The following ZFAT variants were observed in gnomAD, a reference collection of about 807,000 sequenced individuals.
The protein encoded by ZFAT is zinc finger protein ZFAT.
In ZFAT, 64 loss-of-function variants were observed where a neutral mutation model predicts 117.7. The ratio of observed to expected loss-of-function variants is 0.54; its 90% CI spans 0.44 to 0.67. The LOEUF (loss-of-function observed/expected upper bound fraction) is 0.67, where lower values mean the gene tolerates loss of function less well. ZFAT is among the 30% of genes least tolerant of loss of function. The pLI, the probability that ZFAT is intolerant of heterozygous loss-of-function variation, is 0.00. For synonymous variants in ZFAT, 679 were observed against 615.0 expected, an observed-to-expected ratio of 1.10 and a Z score of -1.54; for missense variants, 1,433 against 1,584.5, an observed-to-expected ratio of 0.90 and a Z score of 1.62.
chr8:134,484,984 G>A (rs1817568417), intron 15 of ZFAT, among the ~76,000 whole-genome samples: 2 of 152,038 alleles, frequency 1.3e-5, no homozygotes, highest in South Asian at 2.1e-4. Context: ...TGATGATGAT[G>A]GAGACATCAT....
intron 12 of ZFAT, among the ~76,000 whole-genome samples, chr8:134,531,805 G>A (rs1251407229): frequency 6.6e-6 from 1 of 152,248 alleles, no homozygotes; most frequent in Non-Finnish European, 1.5e-5. Flanking sequence ...CACTGAAAGT[G>A]CTGAAGGGTA....
At chr8:134,654,189 G>A (rs879638393) in intron 2 of ZFAT, among the ~76,000 whole-genome samples, 4 of 152,114 alleles carry the variant, frequency 2.6e-5, no homozygotes, top group Admixed American at 2.0e-4. Flanking sequence ...CAGCTACTTG[G>A]GAGGCTGAGG....
the ZFAT span, among the ~76,000 whole-genome samples, chr8:134,818,503 T>A: frequency 6.6e-6 from 1 of 152,228 alleles, no homozygotes. Flanking sequence ...AAAATGGTAC[T>A]GCCACTTTGG....
chr8:134,683,851 G>T lies in ZFAT; in HGVS notation c.20-26114C>A, dbSNP rs548508564. The stretch of plus-strand genomic sequence containing the variant: ...TGCCTCCCAGGTCTAGTCAATGGAG[G>T]CCCAAATATTGAATTTGTAGTTGGA... On this transcript the variant is annotated intron_variant, in intron 1 of 15. Transcript: ENST00000377838. 2.0e-3 allele frequency among the ~76,000 whole-genome samples: 306 copies of T among 152,202 alleles called. 1 individual carries two copies. Among genetic ancestry groups the T allele is most frequent in the African/African-American group, 7.1e-3 (294 of 41,524 alleles).
At chr8:134,553,588 G>T (rs1823348022) in intron 11 of ZFAT, among the ~76,000 whole-genome samples, 1 of 152,170 alleles carries the variant, frequency 6.6e-6, no homozygotes, top group Non-Finnish European at 1.5e-5. Flanking sequence ...TGAACAAACA[G>T]AACATGCCAC....
chr8:134,544,950 T>C (rs1822578699), intron 11 of ZFAT, among the ~76,000 whole-genome samples: 1 of 152,152 alleles, frequency 6.6e-6, no homozygotes, highest in African/African-American at 2.4e-5. Context: ...TCTGTGGGTG[T>C]ATGTATCTTG....
chr8:134,733,374 C>A, the ZFAT span, among the ~76,000 whole-genome samples: 1 of 152,150 alleles, frequency 6.6e-6, no homozygotes, highest in Non-Finnish European at 1.5e-5. Context: ...GTTTGAGACT[C>A]CCTGGGGTAA....
chr8:134,789,150 T>C, the ZFAT span, among the ~76,000 whole-genome samples: 4 of 152,214 alleles, frequency 2.6e-5, no homozygotes, highest in African/African-American at 7.2e-5. Flanking sequence ...ATTAAATTGT[T>C]AGGTATACAT....
At chr8:134,714,575 G>A (rs1273983618), upstream of ZFAT, among the ~76,000 whole-genome samples, 1 of 152,098 alleles carries the variant, frequency 6.6e-6, no homozygotes, top group Non-Finnish European at 1.5e-5. Context: ...TGGGAAATAC[G>A]GAACCATGAA....
chr8:134,588,441 G>A, intron 8 of ZFAT, 46 bp from the exon 9 acceptor site: 2 of 1,522,946 alleles, frequency 1.3e-6, no homozygotes, highest in Non-Finnish European at 1.8e-6. Context: ...CACCTCAGGG[G>A]AAGTTAGACA....
Position 134,525,486 on chromosome 8 carries a change from C to T in ZFAT, c.3116-4485G>A, listed in dbSNP as rs377431333. Among the ~76,000 whole-genome samples the T allele has an allele frequency of 2.6e-5, 4 of 152,196 alleles. No individual in the cohort carries two copies. In the East Asian group the frequency reaches 7.7e-4, roughly 29 times the overall value. ...TGTCCTGATATCAAGGTTGTCTGGA[C>T]AAATTATACCAGATAAACCTCACGG... On this transcript the variant is annotated intron_variant, in intron 12 of 15. Coordinates refer to ENST00000377838, the MANE Select transcript of ZFAT (RefSeq NM_020863.4).
chr8:134,712,743 G>GCCGGC (rs1814065606), intron 1 of ZFAT, 102 bp downstream of exon 1: 1 of 1,192,146 alleles, frequency 8.4e-7, no homozygotes, highest in African/African-American at 1.7e-5. Context: ...GCGGCCGGCG[G>GCCGGC]CCGGCGCACT....
rs11778717 is a variant in ZFAT, at chr8:134,509,727, G to A, written c.3384C>T (p.Ala1128=). 274,001 of 1,609,288 alleles carry A rather than the reference G, an allele frequency of 0.17. 25,061 individuals carry two copies. The highest frequency in any genetic ancestry group is 0.19 in the Non-Finnish European group (219,132 of 1,178,484). The change falls in exon 15 of 16, where the codon GCC becomes GCT. Residue 1128 remains alanine (A), a synonymous_variant. Coordinates refer to ENST00000377838, the MANE Select transcript of ZFAT (RefSeq NM_020863.4). The stretch of plus-strand genomic sequence containing the variant: ...CAATGATCTGCTGCAGGATGTTCAC[G>A]GCCGTGGGGTCCAGTCGGTCGCCTT... ...SESGDRLDPT[A]VNILQQIIEL...
chr8:134,566,653 G>A (rs1824491744), intron 10 of ZFAT, among the ~76,000 whole-genome samples: 1 of 152,198 alleles, frequency 6.6e-6, no homozygotes, highest in African/African-American at 2.4e-5. Flanking sequence ...CACTGTGGCT[G>A]AGTTCCCAGA....
At chr8:134,644,540 A>C (rs1181498877) in intron 2 of ZFAT, among the ~76,000 whole-genome samples, 2 of 152,068 alleles carry the variant, frequency 1.3e-5, no homozygotes, top group African/African-American at 2.4e-5. Flanking sequence ...CTATACAACC[A>C]CACACACATG....
intron 1 of ZFAT, among the ~76,000 whole-genome samples, chr8:134,693,358 T>C (rs1016541670): frequency 1.3e-5 from 2 of 152,148 alleles, no homozygotes; most frequent in Admixed American, 6.5e-5. Flanking sequence ...TATGGGGCAA[T>C]CTGAGCACCA....
the ZFAT span, among the ~76,000 whole-genome samples, chr8:134,787,805 A>T: frequency 3.4e-4 from 25 of 72,720 alleles, no homozygotes; most frequent in African/African-American, 1.2e-3. Context: ...TTTAGAATTA[A>T]AAAAAAAATG....
chr8:134,559,360 A>AT (rs1823890866), intron 11 of ZFAT, among the ~76,000 whole-genome samples: 1 of 152,160 alleles, frequency 6.6e-6, no homozygotes, highest in African/African-American at 2.4e-5. Flanking sequence ...TATATCTTAA[A>AT]TATCTTTCTA....
chr8:134,591,983 C>T (rs1197834278), intron 7 of ZFAT, among the ~76,000 whole-genome samples: 2 of 151,784 alleles, frequency 1.3e-5, no homozygotes, highest in Non-Finnish European at 2.9e-5. Flanking sequence ...TTACAGAGAG[C>T]CAAACCCTGG....
Sources: gnomAD v4.1 joint callset for allele counts (sites outside exome capture counted in the v4.1 genomes callset) on GRCh38, gnomAD v4.1.1 for gene constraint, MANE v1.5 for transcripts, NCBI Gene and HGNC (gene_info 2026-07-23, HGNC 2026-07-21) for gene names.